The following CNOT1 variants were observed in gnomAD, a reference collection of about 807,000 sequenced individuals.
The protein encoded by CNOT1 is CCR4-associated factor 1.
A neutral mutation model predicts 273.8 loss-of-function variants in CNOT1; 15 were observed. The observed-to-expected ratio is 0.05, with a 90% confidence interval of 0.04 to 0.08. The LOEUF is 0.08. Ranked by LOEUF, CNOT1 falls within the 10% of genes least tolerant of loss-of-function variation. The pLI is 1.00. For missense variants in CNOT1, 1,644 were observed against 2,912.2 expected, an observed-to-expected ratio of 0.56 and a Z score of 10.02; for synonymous variants, 1,022 against 1,005.5, an observed-to-expected ratio of 1.02 and a Z score of -0.31.
chr16:58,534,458 C>A, intron 39 of CNOT1, 63 bp from the exon 40 acceptor site: 1 of 1,548,004 alleles, frequency 6.5e-7, no homozygotes, highest in Admixed American at 1.8e-5. Flanking sequence ...CTTCATATAC[C>A]TTTAATTTTC....
chr16:58,594,942 G>A (rs1045651444), intron 2 of CNOT1, among the ~76,000 whole-genome samples: 2 of 151,758 alleles, frequency 1.3e-5, no homozygotes, highest in African/African-American at 4.8e-5. Flanking sequence ...TGGTGAAACC[G>A]TCTCTACTAA....
intron 42 of CNOT1, among the ~76,000 whole-genome samples, chr16:58,531,302 G>C (rs2151903449): frequency 6.6e-6 from 1 of 152,268 alleles, no homozygotes; most frequent in South Asian, 2.1e-4. Context: ...CATTTCTTCT[G>C]ATCTGAGGGG....
intron 1 of CNOT1, among the ~76,000 whole-genome samples, chr16:58,626,402 G>A (rs1280633137): frequency 1.5e-4 from 12 of 80,656 alleles, no homozygotes; most frequent in African/African-American, 4.9e-4. Flanking sequence ...GCGAGACTGC[G>A]TCTCAAAAAA....
intron 16 of CNOT1, among the ~76,000 whole-genome samples, chr16:58,572,150 G>A (rs562498802): frequency 1.3e-5 from 2 of 152,174 alleles, no homozygotes; most frequent in South Asian, 4.2e-4. Context: ...AGGCGTGGTG[G>A]CGCATGCCTG....
At chr16:58,625,857 CA>C (rs35404068) in intron 1 of CNOT1, among the ~76,000 whole-genome samples, 37,861 of 106,114 alleles carry the variant, frequency 0.36, 5,312 homozygotes, top group Non-Finnish European at 0.43. Flanking sequence ...AACCCTGTCT[CA>C]AAAAAAAAAA....
At chr16:58,545,612 AAGGATGT>A in intron 29 of CNOT1, 121 bp from the exon 30 acceptor site, 1 of 1,484,346 alleles carries the variant, frequency 6.7e-7, no homozygotes, top group Non-Finnish European at 9.0e-7. Flanking sequence ...GAGAGGAGGG[AAGGATGT>A]AGCAGGTCCT....
chr16:58,608,881 A>C (rs942560747), intron 1 of CNOT1, among the ~76,000 whole-genome samples: 1 of 152,182 alleles, frequency 6.6e-6, no homozygotes, highest in African/African-American at 2.4e-5. Flanking sequence ...ACCAAACATC[A>C]TATGTTCTCA....
chr16:58,538,737 C>T, intron 36 of CNOT1, 35 bp downstream of exon 36: 1 of 1,607,836 alleles, frequency 6.2e-7, no homozygotes, highest in Non-Finnish European at 8.5e-7. Flanking sequence ...CAGTCGCAGT[C>T]CAATACTCAC....
At chr16:58,584,184 T>A (rs916427390) in intron 8 of CNOT1, among the ~76,000 whole-genome samples, 1 of 150,066 alleles carries the variant, frequency 6.7e-6, no homozygotes, top group Non-Finnish European at 1.5e-5. Flanking sequence ...AAAAAAAAAA[T>A]TCAGTGGAAG....
At chr16:58,619,361 T>C (rs569877032) in intron 1 of CNOT1, among the ~76,000 whole-genome samples, 113 of 152,296 alleles carry the variant, frequency 7.4e-4, no homozygotes, top group South Asian at 2.5e-3. Flanking sequence ...ACTGCAAATT[T>C]ATTATTATTA....
intron 1 of CNOT1, among the ~76,000 whole-genome samples, chr16:58,612,799 T>C (rs2042945663): frequency 6.6e-6 from 1 of 152,154 alleles, no homozygotes. Flanking sequence ...GATTCTAGAT[T>C]TATGGGGCAG....
chr16:58,584,143 G>C (rs1329332877), intron 8 of CNOT1, among the ~76,000 whole-genome samples: 3 of 148,744 alleles, frequency 2.0e-5, no homozygotes, highest in Non-Finnish European at 4.5e-5. Context: ...ACTCCAGCCT[G>C]GGCAACAGAG....
chr16:58,527,708 A>G (rs1478246538), intron 44 of CNOT1, among the ~76,000 whole-genome samples: 1 of 152,236 alleles, frequency 6.6e-6, no homozygotes, highest in Admixed American at 6.5e-5. Flanking sequence ...CTTTACATAC[A>G]GGACTTAAGC....
chr16:58,553,275 A>C (rs574301762), intron 22 of CNOT1, among the ~76,000 whole-genome samples: 13 of 148,364 alleles, frequency 8.8e-5, no homozygotes, highest in South Asian at 4.3e-4. Flanking sequence ...TCCCCCTCCC[A>C]AAAAAAAAAG....
At position 58,585,243 on chromosome 16, in the gene CNOT1, T is replaced by C. The variant is rs2041797230; in HGVS notation, c.806+95A>G. 8 of 1,542,278 alleles carry C rather than the reference T, an allele frequency of 5.2e-6. No individual in the cohort carries two copies. The African/African-American group carries it at 8.4e-5, about 16-fold the overall frequency. ...AAGCATGCCTCTTGAGAAGAAAAGA[T>C]GATTAACTTTAAGGAATTTTAGAGA... is the stretch of plus-strand genomic sequence containing the variant. On this transcript the variant is annotated intron_variant, in intron 8 of 48. Coordinates refer to ENST00000317147, the MANE Select transcript of CNOT1 (RefSeq NM_016284.5).
chr16:58,554,791 C>A (rs1396061278), intron 21 of CNOT1, among the ~76,000 whole-genome samples: 1 of 151,882 alleles, frequency 6.6e-6, no homozygotes, highest in Non-Finnish European at 1.5e-5. Flanking sequence ...CAAAAATTAG[C>A]TGGGTGCAGT....
chr16:58,555,561 C>A (rs574496667), intron 20 of CNOT1, 24 bp from the exon 21 acceptor site: 2 of 1,604,542 alleles, frequency 1.2e-6, no homozygotes, highest in Middle Eastern at 1.8e-4. Flanking sequence ...ACAAAAACAA[C>A]GCACACATAA....
rs2040289009 is a variant in CNOT1 at position 58,547,334 on chromosome 16, A to AC, written c.3640-39dup. On this transcript the variant is annotated intron_variant, in intron 26 of 48. Transcript: ENST00000317147. The surrounding 1 kb of genome is among the most constrained non-coding windows in gnomAD (Gnocchi z 4.0). ...AAATACTTTCAAAAGCGGGGAATAT[A>AC]CCCCCCAAAATGGTATAACAAAACC... 1 of 1,608,506 alleles carries AC rather than the reference A, an allele frequency of 6.2e-7. No homozygotes were observed. Among genetic ancestry groups the AC allele is most frequent in the Non-Finnish European group, 8.5e-7 (1 of 1,177,622 alleles).
chr16:58,560,918 G>A (rs1484117295), intron 16 of CNOT1, among the ~76,000 whole-genome samples: 1 of 152,098 alleles, frequency 6.6e-6, no homozygotes, highest in African/African-American at 2.4e-5. Flanking sequence ...CCAGCTACTC[G>A]GGAGGCTGAG....
Sources: gnomAD v4.1 joint callset for allele counts (sites outside exome capture counted in the v4.1 genomes callset) on GRCh38, gnomAD v4.1.1 for gene constraint, Gnocchi (gnomAD v3.1) non-coding constraint, MANE v1.5 for transcripts, NCBI Gene and HGNC (gene_info 2026-07-23, HGNC 2026-07-21) for gene names.